The following TBC1D8 variants were observed in gnomAD, a reference collection of about 807,000 sequenced individuals.
TBC1D8 encodes TBC1 domain family member 8, also known as BUB2-like protein 1.
A neutral mutation model predicts 118.8 loss-of-function variants in TBC1D8; 65 were observed. That is an observed-to-expected ratio of 0.55 (90% CI 0.45 to 0.67). TBC1D8 has a LOEUF of 0.67. Among genes scored for constraint, TBC1D8 ranks in the 30% least tolerant of loss-of-function variants. The pLI, the probability that TBC1D8 is intolerant of heterozygous loss-of-function variation, is 0.00. For missense variants in TBC1D8, 1,376 were observed against 1,471.2 expected (o/e 0.94, Z 1.06); for synonymous variants, 566 against 595.8 (o/e 0.95, Z 0.73).
Position 101,027,424 on chromosome 2 carries a change from T to C in TBC1D8, c.2479A>G (p.Ile827Val). 6.2e-7 allele frequency: 1 copy of C among 1,613,182 alleles called. No individual in the cohort carries two copies. The highest frequency in any genetic ancestry group is 8.5e-7 in the Non-Finnish European group (1 of 1,179,302). Reference protein sequence around the residue: ...VLRVVIPEVSILPEDLEELYD... With the variant: ...VLRVVIPEVSVLPEDLEELYD... ...AGCTCCTCTAGGTCTTCAGGAAGAA[T>C]TGAGACTTCCGGGATAACGACTCGA... Residue 827 changes from isoleucine to valine, a missense_variant, in exon 15 of 20, where the codon ATT (isoleucine) becomes GTT (valine). By Grantham distance (29) the Ile-to-Val change is conservative (BLOSUM62 3). Coordinates refer to ENST00000409318, the MANE Select transcript of TBC1D8 (RefSeq NM_001330348.2).
intron 5 of TBC1D8, among the ~76,000 whole-genome samples, chr2:101,040,618 C>T (rs535645846): frequency 7.9e-5 from 12 of 152,232 alleles, no homozygotes; most frequent in African/African-American, 1.7e-4. Flanking sequence ...TACAGGGACG[C>T]GCCACCGCGC....
At chr2:101,009,238 A>G (rs1051237808) in intron 19 of TBC1D8, among the ~76,000 whole-genome samples, 1 of 152,086 alleles carries the variant, frequency 6.6e-6, no homozygotes, top group African/African-American at 2.4e-5. Context: ...CCCTGTCTCT[A>G]TTAAAAATAC....
rs1041878577 is a variant in TBC1D8 at position 101,134,780 on chromosome 2, G to C, written c.127+16347C>G. On this transcript the variant is annotated intron_variant, in intron 1 of 19. Coordinates refer to ENST00000409318, the MANE Select transcript of TBC1D8 (RefSeq NM_001330348.2). ...TCAACACAGTAATTTAGGGGGCAGGGGGACACATTCAATCCACAACATAAC... is the reference window on the plus strand; with the variant it reads ...TCAACACAGTAATTTAGGGGGCAGGCGGACACATTCAATCCACAACATAAC... Among the ~76,000 whole-genome samples the C allele has an allele frequency of 2.3e-4, 35 of 152,294 alleles. 1 individual carries two copies. Among genetic ancestry groups the C allele is most frequent in the South Asian group, 1.2e-3 (6 of 4,818 alleles).
At chr2:101,009,856 C>G (rs1228620808) in intron 19 of TBC1D8, among the ~76,000 whole-genome samples, 5 of 147,274 alleles carry the variant, frequency 3.4e-5, no homozygotes, top group South Asian at 2.1e-4. Flanking sequence ...GAGTCTCGCT[C>G]TGTCGCCCAG....
intron 1 of TBC1D8, among the ~76,000 whole-genome samples, chr2:101,138,049 G>T (rs186339275): frequency 2.6e-5 from 4 of 152,308 alleles, no homozygotes; most frequent in South Asian, 2.1e-4. Context: ...GTGAGAGCAG[G>T]CATCTTCATA....
intron 1 of TBC1D8, among the ~76,000 whole-genome samples, chr2:101,147,397 C>A (rs1679363670): frequency 6.6e-6 from 1 of 152,168 alleles, no homozygotes; most frequent in Non-Finnish European, 1.5e-5. Flanking sequence ...TCCATACTGT[C>A]CTCCATAGTG....
At chr2:101,107,053 C>T (rs1014221843) in intron 1 of TBC1D8, among the ~76,000 whole-genome samples, 1 of 152,056 alleles carries the variant, frequency 6.6e-6, no homozygotes, top group African/African-American at 2.4e-5. Context: ...GTAACCCCAT[C>T]GTAAGCTAAG....
intron 11 of TBC1D8, 26 bp from the exon 12 acceptor site, chr2:101,029,802 T>C (rs1024529880): frequency 2.5e-6 from 4 of 1,606,366 alleles, no homozygotes; most frequent in Non-Finnish European, 2.6e-6. Context: ...CACAGGGCTC[T>C]GGCTGGGGTA....
chr2:101,064,576 G>T (rs1682923821), intron 2 of TBC1D8, among the ~76,000 whole-genome samples: 2 of 152,110 alleles, frequency 1.3e-5, no homozygotes, highest in Admixed American at 1.3e-4. Flanking sequence ...TTCAAAAAAA[G>T]ACTTTTTCGT....
intron 2 of TBC1D8, among the ~76,000 whole-genome samples, chr2:101,067,533 T>C (rs1444312491): frequency 6.6e-6 from 1 of 152,220 alleles, no homozygotes; most frequent in Non-Finnish European, 1.5e-5. Context: ...GTTCACAGTA[T>C]GCTGTTAGTC....
At chr2:101,010,240 TAG>T (rs1193169615) in intron 19 of TBC1D8, among the ~76,000 whole-genome samples, 2 of 152,200 alleles carry the variant, frequency 1.3e-5, no homozygotes, top group Non-Finnish European at 2.9e-5. Flanking sequence ...TCAGAAGTTT[TAG>T]AGACTCCTCT....
chr2:101,119,658 C>T (rs1678012922), intron 1 of TBC1D8, among the ~76,000 whole-genome samples: 1 of 152,210 alleles, frequency 6.6e-6, no homozygotes, highest in Non-Finnish European at 1.5e-5. Context: ...CACTGTGCAG[C>T]CAAGACCAGG....
chr2:101,037,494 AG>A, intron 8 of TBC1D8, 37 bp downstream of exon 8: 3 of 1,602,700 alleles, frequency 1.9e-6, no homozygotes, highest in Non-Finnish European at 2.6e-6. Context: ...CCCACGGCTC[AG>A]CTTTGTGGTC....
At chr2:101,122,796 C>T (rs1032588541) in intron 1 of TBC1D8, among the ~76,000 whole-genome samples, 1 of 152,154 alleles carries the variant, frequency 6.6e-6, no homozygotes. Flanking sequence ...GATCCGCTTG[C>T]GTTTTTCAAC....
Position 101,033,754 on chromosome 2 carries a change from C to G in TBC1D8, c.1608G>C (p.Ala536=). 6.2e-7 allele frequency: 1 copy of G among 1,611,438 alleles called. No individual in the cohort carries two copies. The highest frequency in any genetic ancestry group is 8.5e-7 in the Non-Finnish European group (1 of 1,177,892). Residue 536 remains alanine (A), a synonymous_variant, in exon 10 of 20, where the codon GCG becomes GCC. Transcript: ENST00000409318. The part of the protein sequence containing the change: ...RGRLWLLFSD[A]VTDLASHPGY... ...CAGGGTGTGAGGCAAGATCCGTCACCGCATCTGAGTTTTAAAAGCAATGTT... is the reference window on the plus strand; with the variant it reads ...CAGGGTGTGAGGCAAGATCCGTCACGGCATCTGAGTTTTAAAAGCAATGTT...
At chr2:101,105,724 A>G (rs976311633) in intron 1 of TBC1D8, among the ~76,000 whole-genome samples, 5 of 152,100 alleles carry the variant, frequency 3.3e-5, no homozygotes, top group Admixed American at 6.6e-5. Context: ...GACGATACCA[A>G]TTGTGAGGAT....
At chr2:101,079,749 G>C (rs941265481) in intron 2 of TBC1D8, among the ~76,000 whole-genome samples, 1 of 140,332 alleles carries the variant, frequency 7.1e-6, no homozygotes, top group Non-Finnish European at 1.5e-5. Context: ...GCAGTGGTGC[G>C]ATCTCGGCTC....
At chr2:101,062,265 T>G (rs953204262) in intron 2 of TBC1D8, among the ~76,000 whole-genome samples, 1 of 152,174 alleles carries the variant, frequency 6.6e-6, no homozygotes, top group Admixed American at 6.5e-5. Context: ...GTCTTTATCC[T>G]TTATTATCCA....
intron 2 of TBC1D8, among the ~76,000 whole-genome samples, chr2:101,060,243 C>G (rs897419299): frequency 1.3e-5 from 2 of 152,324 alleles, no homozygotes; most frequent in East Asian, 3.9e-4. Context: ...TCCTAAGCAG[C>G]CTTGCAAAGT....
Sources: allele counts gnomAD v4.1 joint callset (sites outside exome capture counted in the v4.1 genomes callset), GRCh38; gene constraint gnomAD v4.1.1; transcripts MANE v1.5; gene names NCBI Gene and HGNC (gene_info 2026-07-23, HGNC 2026-07-21).